Variants in PGR observed in about 807,000 individuals in gnomAD.
PGR encodes the protein nuclear receptor subfamily 3 group C member 3.
A neutral mutation model predicts 76.1 loss-of-function variants in PGR; 25 were observed. The ratio of observed to expected loss-of-function variants is 0.33; its 90% CI spans 0.24 to 0.46. The LOEUF is 0.46. Among genes scored for constraint, PGR ranks in the 20% least tolerant of loss-of-function variants. The pLI is 1.00. For missense variants in PGR, 1,172 were observed against 1,225.3 expected (o/e 0.96, Z 0.65); for synonymous variants, 579 against 535.0 (o/e 1.08, Z -1.14).
intron 2 of PGR, among the ~76,000 whole-genome samples, chr11:101,102,866 G>T (rs1457200383): frequency 6.9e-6 from 1 of 145,308 alleles, no homozygotes; most frequent in Non-Finnish European, 1.5e-5. Flanking sequence ...TGAGGGGTGG[G>T]GGGGGTTGGG....
chr11:101,109,658 A>G (rs1237716112), intron 2 of PGR, among the ~76,000 whole-genome samples: 1 of 152,236 alleles, frequency 6.6e-6, no homozygotes, highest in Non-Finnish European at 1.5e-5. Context: ...ACACAAAAGT[A>G]CAAGGTGAAG....
intron 4 of PGR, 24 bp from the exon 5 acceptor site, chr11:101,051,592 A>G: frequency 6.4e-7 from 1 of 1,553,318 alleles, no homozygotes. Flanking sequence ...TTAAAAATAC[A>G]GTGACCATAA....
At chr11:101,110,380 T>G (rs1322823590) in intron 2 of PGR, among the ~76,000 whole-genome samples, 1 of 152,150 alleles carries the variant, frequency 6.6e-6, no homozygotes, top group African/African-American at 2.4e-5. Flanking sequence ...TTGGAAGAAG[T>G]TGATTCAAAC....
At chr11:101,123,870 T>A (rs1245135014) in intron 2 of PGR, among the ~76,000 whole-genome samples, 1 of 152,238 alleles carries the variant, frequency 6.6e-6, no homozygotes, top group Non-Finnish European at 1.5e-5. Flanking sequence ...CCTAACTATA[T>A]TACAAGTTCC....
At chr11:101,096,003 G>A (rs1320451369) in intron 2 of PGR, among the ~76,000 whole-genome samples, 1 of 152,146 alleles carries the variant, frequency 6.6e-6, no homozygotes, top group Non-Finnish European at 1.5e-5. Flanking sequence ...TATGAGGTAG[G>A]AAGTCTGGTA....
intron 4 of PGR, among the ~76,000 whole-genome samples, chr11:101,057,566 A>C (rs2135403706): frequency 6.6e-6 from 1 of 152,306 alleles, no homozygotes; most frequent in East Asian, 1.9e-4. Flanking sequence ...GCACCACGTG[A>C]AATTGATGGT....
Position 101,051,720 on chromosome 11 carries a change from T to A in PGR, c.2213-152A>T, listed in dbSNP as rs573096. 0.24 allele frequency: 154,931 copies of A among 648,156 alleles called. 19,607 individuals are homozygous for A. Among genetic ancestry groups the A allele is most frequent in the African/African-American group, 0.33 (18,031 of 54,710 alleles). The allele number at this position is 648,156 out of a possible 1,614,324, so 40.2% of individuals were successfully genotyped here. A position where few individuals can be genotyped will look rare whatever the true frequency, so the allele number is the denominator to read the frequency against. ...TTTTACACTGAAAATCAGAAAACAT[T>A]AATAAATAATACAGCCTAAAATATC... On this transcript the variant is annotated intron_variant, in intron 4 of 7. Coordinates refer to ENST00000325455, the MANE Select transcript of PGR (RefSeq NM_000926.4).
At chr11:101,061,888 C>T (rs1388217058) in intron 4 of PGR, among the ~76,000 whole-genome samples, 3 of 151,992 alleles carry the variant, frequency 2.0e-5, no homozygotes, top group Non-Finnish European at 4.4e-5. Flanking sequence ...TGTTGCTGGG[C>T]GATATACTCT....
At chr11:101,078,727 A>ATG in intron 3 of PGR, among the ~76,000 whole-genome samples, 1 of 152,238 alleles carries the variant, frequency 6.6e-6, no homozygotes. Context: ...ACGGAAGCAG[A>ATG]TAAGAACAAA....
chr11:101,059,607 G>GCAGA (rs1860409662), intron 4 of PGR, among the ~76,000 whole-genome samples: 2 of 151,956 alleles, frequency 1.3e-5, no homozygotes, highest in Admixed American at 1.3e-4. Context: ...GCTGAGGCAG[G>GCAGA]CAGATCACTT....
intron 3 of PGR, among the ~76,000 whole-genome samples, chr11:101,067,053 T>C: frequency 6.6e-6 from 1 of 152,168 alleles, no homozygotes; most frequent in East Asian, 1.9e-4. Flanking sequence ...AAGGCCCAAC[T>C]TACCCTTGCA....
Position 101,097,061 on chromosome 11 carries a change from G to A in PGR, c.1790-5185C>T, listed in dbSNP as rs532016045. On this transcript the variant is annotated intron_variant, in intron 2 of 7. Transcript: ENST00000325455. Reference sequence around the variant, plus strand: ...TATCTAGCTCTCTCCCTTAATATATGCATCATCTGCCCCTGTTGAAACCTG... The same window carrying A: ...TATCTAGCTCTCTCCCTTAATATATACATCATCTGCCCCTGTTGAAACCTG... Among the ~76,000 whole-genome samples the A allele has an allele frequency of 5.3e-5, 8 of 152,270 alleles. 1 individual carries two copies. The East Asian group carries it at 1.5e-3, about 29-fold the overall frequency.
At chr11:101,107,112 G>A (rs537243319) in intron 2 of PGR, among the ~76,000 whole-genome samples, 1 of 152,214 alleles carries the variant, frequency 6.6e-6, no homozygotes, top group South Asian at 2.1e-4. Context: ...ACCTAATGTA[G>A]GTGACGGGTT....
chr11:101,055,200 G>C (rs1036205776), intron 4 of PGR, among the ~76,000 whole-genome samples: 1 of 151,874 alleles, frequency 6.6e-6, no homozygotes, highest in South Asian at 2.1e-4. Context: ...GGATCACAAG[G>C]TCAAGAGATT....
intron 2 of PGR, among the ~76,000 whole-genome samples, chr11:101,122,629 A>G (rs1862714445): frequency 6.6e-6 from 1 of 152,234 alleles, no homozygotes; most frequent in African/African-American, 2.4e-5. Flanking sequence ...TTTTTGGCCA[A>G]TACTATATCC....
intron 3 of PGR, among the ~76,000 whole-genome samples, chr11:101,078,527 A>G (rs892080562): frequency 6.6e-6 from 1 of 152,212 alleles, no homozygotes; most frequent in Non-Finnish European, 1.5e-5. Context: ...CAGAACACCT[A>G]AAGTAGAAGA....
At chr11:101,084,091 T>C (rs1254956394) in intron 3 of PGR, among the ~76,000 whole-genome samples, 1 of 152,122 alleles carries the variant, frequency 6.6e-6, no homozygotes, top group Admixed American at 6.5e-5. Context: ...CATGCTGTTG[T>C]CATGATAGTG....
intron 3 of PGR, among the ~76,000 whole-genome samples, chr11:101,083,597 A>T (rs553599201): frequency 1.1e-4 from 16 of 152,328 alleles, no homozygotes; most frequent in African/African-American, 3.8e-4. Flanking sequence ...CATCCCTTGC[A>T]TCAGTATGCT....
chr11:101,119,275 A>T (rs1208741024), intron 2 of PGR, among the ~76,000 whole-genome samples: 5 of 152,128 alleles, frequency 3.3e-5, no homozygotes, highest in African/African-American at 9.7e-5. Context: ...AGGGGTTGGA[A>T]ATCCCTTGTG....
Sources: allele counts gnomAD v4.1 joint callset (sites outside exome capture counted in the v4.1 genomes callset), GRCh38; gene constraint gnomAD v4.1.1; transcripts MANE v1.5; gene names NCBI Gene and HGNC (gene_info 2026-07-23, HGNC 2026-07-21).